Variants in FADS2 observed in about 807,000 individuals in gnomAD.
The protein encoded by FADS2 is fatty acid desaturase 2, also known as acyl-CoA 6-desaturase.
Under a neutral mutation model 61.2 loss-of-function variants are expected in FADS2, and 18 were observed. The ratio of observed to expected loss-of-function variants is 0.29; its 90% CI spans 0.20 to 0.44. The LOEUF is 0.44. FADS2 is among the 20% of genes least tolerant of loss of function. The pLI, the probability that FADS2 is intolerant of heterozygous loss-of-function variation, is 1.00. For synonymous variants in FADS2, 203 were observed against 223.9 expected, an observed-to-expected ratio of 0.91 and a Z score of 0.83; for missense variants, 322 against 572.7, an observed-to-expected ratio of 0.56 and a Z score of 4.47.
chr11:61,861,745 G>C (rs1004249078), intron 7 of FADS2, among the ~76,000 whole-genome samples: 2 of 152,150 alleles, frequency 1.3e-5, no homozygotes, highest in Non-Finnish European at 2.9e-5. Context: ...GCTGGCACCC[G>C]ACCCCTGATC....
chr11:61,825,715 A>G (rs1478526782), upstream of FADS2, among the ~76,000 whole-genome samples: 2 of 151,546 alleles, frequency 1.3e-5, no homozygotes, highest in African/African-American at 4.9e-5. Context: ...ACACGGTGAA[A>G]CCCCGTCTCT....
intron 1 of FADS2, among the ~76,000 whole-genome samples, chr11:61,833,834 A>G (rs2067148966): frequency 6.6e-6 from 1 of 152,244 alleles, no homozygotes; most frequent in African/African-American, 2.4e-5. Context: ...GTGGGAAAGT[A>G]TGAGATCAGA....
intron 5 of FADS2, chr11:61,856,750 C>T (rs566042607): frequency 8.1e-5 from 40 of 494,074 alleles, no homozygotes; most frequent in Middle Eastern, 5.2e-4. Context: ...TCAGAAGTGC[C>T]GGCCTTGTAG....
upstream of FADS2, chr11:61,826,243 T>G: frequency 1.4e-6 from 1 of 702,366 alleles, no homozygotes; most frequent in South Asian, 1.5e-5. Flanking sequence ...ACTTCATTCA[T>G]TCATTTGTGT....
rs1367405685 is a variant in FADS2, at chr11:61,857,039, C to T, written c.773C>T (p.Pro258Leu). 2 of 1,614,016 alleles carry T rather than the reference C, an allele frequency of 1.2e-6. No homozygotes were observed. Residue 258 changes from proline (P) to leucine (L), a missense_variant, in exon 6 of 12, where the codon CCC becomes CTC. Physicochemically the swap from Pro to Leu is moderately conservative, Grantham distance 98 (BLOSUM62 -3). Coordinates refer to ENST00000278840, the MANE Select transcript of FADS2 (RefSeq NM_004265.4). Reference sequence around the variant, plus strand: ...GGCAAGAAGAAGCTGAAATACCTGCCCTACAATCACCAGCACGAATACTTC... The same window carrying T: ...GGCAAGAAGAAGCTGAAATACCTGCTCTACAATCACCAGCACGAATACTTC... The part of the protein sequence containing the change: ...EYGKKKLKYL[P>L]YNHQHEYFFL...
At chr11:61,824,322 CAGTGAG>C (rs2067052860), upstream of FADS2, among the ~76,000 whole-genome samples, 1 of 148,528 alleles carries the variant, frequency 6.7e-6, no homozygotes, top group Non-Finnish European at 1.5e-5. Flanking sequence ...GCAGAGGTTG[CAGTGAG>C]CCAAGATTGC....
At chr11:61,837,751 G>GCCTCATCAC in intron 1 of FADS2, 27 bp from the exon 2 acceptor site, 1 of 1,513,548 alleles carries the variant, frequency 6.6e-7, no homozygotes, top group South Asian at 1.2e-5. Context: ...TCAGGTCTTA[G>GCCTCATCAC]CCTCATCACT....
At chr11:61,859,692 A>G (rs962083259) in intron 7 of FADS2, among the ~76,000 whole-genome samples, 15 of 146,262 alleles carry the variant, frequency 1.0e-4, no homozygotes, top group Non-Finnish European at 1.5e-4. Flanking sequence ...GTTCTAACTC[A>G]TAAGTGGCCT....
chr11:61,820,108 G>A (rs945778051), intron 1 of FADS2, among the ~76,000 whole-genome samples: 1 of 151,904 alleles, frequency 6.6e-6, no homozygotes, highest in Non-Finnish European at 1.5e-5. Flanking sequence ...GGGAGGCTGA[G>A]TCAGGAGAAT....
chr11:61,832,920 T>C (rs2067140678), intron 1 of FADS2, among the ~76,000 whole-genome samples: 1 of 152,188 alleles, frequency 6.6e-6, no homozygotes, highest in South Asian at 2.1e-4. Flanking sequence ...AGATTAGCCT[T>C]GCTCCCCAGA....
chr11:61,857,103 G>A, intron 6 of FADS2, 32 bp downstream of exon 6: 1 of 1,584,352 alleles, frequency 6.3e-7, no homozygotes, highest in Non-Finnish European at 8.7e-7. Flanking sequence ...ATCACTCTGG[G>A]ACCCTCCCCT....
upstream of FADS2, chr11:61,826,407 A>C (rs1384023256): frequency 1.4e-6 from 1 of 701,898 alleles, no homozygotes; most frequent in Non-Finnish European, 2.6e-6. Context: ...GAACCTTCAA[A>C]GCCTCTGTGA....
intron 5 of FADS2, among the ~76,000 whole-genome samples, chr11:61,849,962 C>G (rs1340395359): frequency 6.6e-6 from 1 of 151,818 alleles, no homozygotes; most frequent in African/African-American, 2.4e-5. Flanking sequence ...GCCTGGGAGC[C>G]TCAAGGCTGC....
At chr11:61,851,762 G>A (rs895281843) in intron 5 of FADS2, among the ~76,000 whole-genome samples, 19 of 152,236 alleles carry the variant, frequency 1.2e-4, no homozygotes, top group African/African-American at 2.4e-4. Flanking sequence ...GCCCTGCCAA[G>A]CGGCTCCCAG....
At chr11:61,842,126 C>T (rs949753072) in intron 4 of FADS2, among the ~76,000 whole-genome samples, 5 of 152,214 alleles carry the variant, frequency 3.3e-5, no homozygotes, top group Non-Finnish European at 7.3e-5. Flanking sequence ...TGGCAAGGGA[C>T]GAGCTACATG....
intron 2 of FADS2, 28 bp downstream of exon 2, chr11:61,837,916 G>C (rs2067187856): frequency 6.5e-7 from 1 of 1,535,504 alleles, no homozygotes; most frequent in Non-Finnish European, 9.0e-7. Context: ...CCTGGGTGGG[G>C]GTGGAGACGA....
At chr11:61,837,947 C>A in intron 2 of FADS2, 59 bp downstream of exon 2, 1 of 1,194,222 alleles carries the variant, frequency 8.4e-7, no homozygotes, top group Non-Finnish European at 1.2e-6. Flanking sequence ...GGCTGGGAGT[C>A]TGAGAGAGGC....
At chr11:61,836,978 A>G (rs185392246) in intron 1 of FADS2, among the ~76,000 whole-genome samples, 172 of 152,362 alleles carry the variant, frequency 1.1e-3, no homozygotes, top group Non-Finnish European at 2.1e-3. Flanking sequence ...ATATGTATAG[A>G]AAAAAGCTGG....
In FADS2 at chr11:61,828,661, C is replaced by T; in HGVS notation, c.207+64C>T. On this transcript the variant is annotated intron_variant, in intron 1 of 11. Coordinates refer to ENST00000278840, the MANE Select transcript of FADS2 (RefSeq NM_004265.4). The surrounding 1 kb of genome is among the most constrained non-coding windows in gnomAD (Gnocchi z 6.4). ...GCAGGCGGAGTCAGGATCCCTGGCT[C>T]CCCGTGGGCCAAACAGACCTCCGGC... 1.4e-6 allele frequency: 2 copies of T among 1,467,230 alleles called. No homozygotes were observed. The highest frequency in any genetic ancestry group is 1.9e-6 in the Non-Finnish European group (2 of 1,071,818). 90.9% of individuals were successfully genotyped at this position (1,467,230 alleles called of 1,614,324 possible).
Sources: allele counts gnomAD v4.1 joint callset (sites outside exome capture counted in the v4.1 genomes callset), GRCh38; gene constraint gnomAD v4.1.1; non-coding constraint Gnocchi (gnomAD v3.1); transcripts MANE v1.5; gene names NCBI Gene and HGNC (gene_info 2026-07-23, HGNC 2026-07-21).